SAMD4A: variants seen among roughly 807,000 people sequenced by gnomAD.
SAMD4A encodes sterile alpha motif domain containing 4A.
SAMD4A carries 33 observed loss-of-function variants against 81.3 expected under a neutral mutation model. That is an observed-to-expected ratio of 0.41 (90% CI 0.31 to 0.54). The LOEUF is 0.54. Ranked by LOEUF, SAMD4A falls within the 20% of genes least tolerant of loss-of-function variation. The pLI is 0.37. For synonymous variants in SAMD4A, 389 were observed against 382.1 expected (o/e 1.02, Z -0.21); for missense variants, 854 against 951.1 (o/e 0.90, Z 1.34).
chr14:54,672,877 C>T (rs558570847), intron 2 of SAMD4A, among the ~76,000 whole-genome samples: 10 of 152,256 alleles, frequency 6.6e-5, no homozygotes, highest in Admixed American at 2.6e-4. Context: ...CATCTTCCCA[C>T]GAAGTGACTA....
intron 2 of SAMD4A, among the ~76,000 whole-genome samples, chr14:54,610,226 TC>T: frequency 6.6e-6 from 1 of 152,332 alleles, no homozygotes; most frequent in Non-Finnish European, 1.5e-5. Context: ...GCTCATTTCT[TC>T]CAATTAGAAT....
chr14:54,611,617 C>T (rs975084143), intron 2 of SAMD4A, among the ~76,000 whole-genome samples: 1 of 152,158 alleles, frequency 6.6e-6, no homozygotes, highest in Non-Finnish European at 1.5e-5. Context: ...TGGCTCATGC[C>T]TGTAATCCCA....
chr14:54,745,494 T>C (rs986059339), intron 4 of SAMD4A, among the ~76,000 whole-genome samples: 1 of 152,214 alleles, frequency 6.6e-6, no homozygotes, highest in Non-Finnish European at 1.5e-5. Context: ...CTCATCGTTC[T>C]GTGCTCCCCT....
At chr14:54,765,731 A>G (rs2038521057) in intron 8 of SAMD4A, among the ~76,000 whole-genome samples, 1 of 152,180 alleles carries the variant, frequency 6.6e-6, no homozygotes, top group Admixed American at 6.5e-5. Context: ...GACGCCCAGC[A>G]CAGCGGCCAG....
intron 2 of SAMD4A, among the ~76,000 whole-genome samples, chr14:54,657,906 G>A (rs565831647): frequency 1.3e-5 from 2 of 152,328 alleles, no homozygotes; most frequent in South Asian, 4.1e-4. Context: ...CTCTGTAGGT[G>A]TGAAAATATC....
At chr14:54,641,897 A>T (rs1212962196) in intron 2 of SAMD4A, among the ~76,000 whole-genome samples, 1 of 152,126 alleles carries the variant, frequency 6.6e-6, no homozygotes, top group East Asian at 1.9e-4. Flanking sequence ...TCCTGGGTTC[A>T]AGCAATTCTC....
intron 2 of SAMD4A, among the ~76,000 whole-genome samples, chr14:54,622,863 C>G (rs1341482722): frequency 6.6e-6 from 1 of 152,334 alleles, no homozygotes; most frequent in Admixed American, 6.5e-5. Context: ...CACCCTAGCC[C>G]TGCTGAATCA....
At chr14:54,737,533 T>A (rs1044144001) in intron 4 of SAMD4A, among the ~76,000 whole-genome samples, 2 of 138,582 alleles carry the variant, frequency 1.4e-5, no homozygotes, top group African/African-American at 2.7e-5. Context: ...ACCCACTCTC[T>A]CTCTCTCTCT....
At chr14:54,737,426 C>A in intron 4 of SAMD4A, 139 bp downstream of exon 4, 1 of 1,001,412 alleles carries the variant, frequency 1.0e-6, no homozygotes, top group Non-Finnish European at 1.4e-6. Context: ...CTGTCCCTTC[C>A]AGAACTCCAG....
At chr14:54,778,070 T>C (rs2038905305) in intron 11 of SAMD4A, among the ~76,000 whole-genome samples, 1 of 152,174 alleles carries the variant, frequency 6.6e-6, no homozygotes, top group South Asian at 2.1e-4. Flanking sequence ...AGGAGATCTG[T>C]CACCTTGAAT....
intron 2 of SAMD4A, among the ~76,000 whole-genome samples, chr14:54,697,756 G>T (rs1286046240): frequency 6.6e-6 from 1 of 152,172 alleles, no homozygotes; most frequent in Non-Finnish European, 1.5e-5. Flanking sequence ...AAATATGAGA[G>T]ATTCTGGCTT....
chr14:54,779,577 C>T (rs1040572712), intron 11 of SAMD4A, among the ~76,000 whole-genome samples: 1 of 152,066 alleles, frequency 6.6e-6, no homozygotes, highest in African/African-American at 2.4e-5. Context: ...TCACCTTGCT[C>T]GGGTTTACAG....
intron 2 of SAMD4A, among the ~76,000 whole-genome samples, chr14:54,607,148 A>T (rs1358537481): frequency 6.6e-6 from 1 of 152,224 alleles, no homozygotes; most frequent in Non-Finnish European, 1.5e-5. Context: ...AGGTCAGAGA[A>T]TGGAGCAGAA....
chr14:54,636,334 AC>A (rs1270535918), intron 2 of SAMD4A, among the ~76,000 whole-genome samples: 2 of 152,040 alleles, frequency 1.3e-5, no homozygotes, highest in Admixed American at 6.6e-5. Context: ...GGGAGGCGAA[AC>A]CCCAAGAGGT....
At chr14:54,626,160 T>G (rs543252863) in intron 2 of SAMD4A, among the ~76,000 whole-genome samples, 13 of 151,716 alleles carry the variant, frequency 8.6e-5, no homozygotes, top group African/African-American at 3.1e-4. Flanking sequence ...TCAGGAAAAA[T>G]AGTGGCTCTA....
intron 3 of SAMD4A, among the ~76,000 whole-genome samples, chr14:54,718,558 T>C (rs1348560569): frequency 6.6e-6 from 1 of 151,638 alleles, no homozygotes; most frequent in African/African-American, 2.4e-5. Context: ...GGGTTTTTTG[T>C]TGTTGTTGTT....
At chr14:54,583,323 G>T (rs1263827854) in intron 2 of SAMD4A, among the ~76,000 whole-genome samples, 1 of 152,086 alleles carries the variant, frequency 6.6e-6, no homozygotes, top group Non-Finnish European at 1.5e-5. Context: ...TGGTGTATTT[G>T]CAATTCAAAT....
chr14:54,712,486 T>C (rs2037014995), intron 3 of SAMD4A, among the ~76,000 whole-genome samples: 1 of 152,232 alleles, frequency 6.6e-6, no homozygotes, highest in South Asian at 2.1e-4. Context: ...AGTATGGCAC[T>C]GGCCTTCCTA....
At chr14:54,594,394 G>A (rs1354084874) in intron 2 of SAMD4A, among the ~76,000 whole-genome samples, 1 of 150,892 alleles carries the variant, frequency 6.6e-6, no homozygotes, top group Non-Finnish European at 1.5e-5. Context: ...CTACACTCCA[G>A]TCTGGGTGAC....
Sources: gnomAD v4.1 joint callset for allele counts (sites outside exome capture counted in the v4.1 genomes callset) on GRCh38, gnomAD v4.1.1 for gene constraint, MANE v1.5 for transcripts, NCBI Gene and HGNC (gene_info 2026-07-23, HGNC 2026-07-21) for gene names.